DNAJC1: variants seen among roughly 807,000 people sequenced by gnomAD.
DNAJC1 encodes dnaJ homolog subfamily C member 1.
A neutral mutation model predicts 76.6 loss-of-function variants in DNAJC1; 58 were observed. The observed-to-expected ratio is 0.76, with a 90% CI of 0.61 to 0.94. DNAJC1 has a LOEUF of 0.94. Among genes scored for constraint, DNAJC1 ranks in the 40% least tolerant of loss-of-function variants. DNAJC1 has a pLI of 0.00. For synonymous variants in DNAJC1, 258 were observed against 267.9 expected, an observed-to-expected ratio of 0.96 and a Z score of 0.36; for missense variants, 689 against 677.3, an observed-to-expected ratio of 1.02 and a Z score of -0.19.
At chr10:21,908,697 A>G (rs531919831) in intron 6 of DNAJC1, among the ~76,000 whole-genome samples, 28 of 152,136 alleles carry the variant, frequency 1.8e-4, no homozygotes, top group African/African-American at 6.3e-4. Context: ...TTAATGAATA[A>G]TTAAATGCTT....
chr10:21,879,942 T>C (rs1836246725), intron 8 of DNAJC1, among the ~76,000 whole-genome samples: 1 of 152,210 alleles, frequency 6.6e-6, no homozygotes, highest in East Asian at 1.9e-4. Flanking sequence ...AAAATATTTC[T>C]CTGTAGCATG....
intron 9 of DNAJC1, among the ~76,000 whole-genome samples, chr10:21,797,633 G>A (rs1253027467): frequency 6.6e-6 from 1 of 152,210 alleles, no homozygotes; most frequent in African/African-American, 2.4e-5. Flanking sequence ...GGAGGCCTCT[G>A]TCCTCATGAA....
chr10:21,834,220 T>C (rs373497610), intron 8 of DNAJC1, among the ~76,000 whole-genome samples: 9 of 151,716 alleles, frequency 5.9e-5, no homozygotes, highest in East Asian at 3.9e-4. Flanking sequence ...GCTGAGATCG[T>C]GCCACTGCAC....
At chr10:21,898,657 A>G (rs1836590714) in intron 7 of DNAJC1, among the ~76,000 whole-genome samples, 1 of 151,604 alleles carries the variant, frequency 6.6e-6, no homozygotes, top group African/African-American at 2.4e-5. Flanking sequence ...GGTTCAAGCA[A>G]TTCTTGTGCC....
intron 8 of DNAJC1, chr10:21,865,986 T>G (rs1345206065): frequency 6.6e-6 from 1 of 151,602 alleles, no homozygotes; most frequent in Non-Finnish European, 1.5e-5. Context: ...AATACAAAAA[T>G]TAGCTGGGTG....
rs759623924 is a variant in DNAJC1, at chr10:21,851,770, T to TA, written c.978+30511dup. Reference sequence around the variant, plus strand: ...ATGAATGGATAAACAAATTGTAAGATACGGCCGGGCGCAGTGGTTCATGCC... The same window carrying TA: ...ATGAATGGATAAACAAATTGTAAGATAACGGCCGGGCGCAGTGGTTCATGCC... On this transcript the variant is annotated intron_variant, in intron 8 of 11. Transcript: ENST00000376980. Among the ~76,000 whole-genome samples, 4 of 152,184 alleles carry TA rather than the reference T, an allele frequency of 2.6e-5. No individual in the cohort carries two copies. In the East Asian group the frequency reaches 7.7e-4, roughly 29 times the overall value.
chr10:21,795,816 C>T (rs566882416), intron 9 of DNAJC1, among the ~76,000 whole-genome samples: 1 of 152,254 alleles, frequency 6.6e-6, no homozygotes, highest in Non-Finnish European at 1.5e-5. Context: ...TCCTGGCAAC[C>T]ACCATTCTAT....
intron 9 of DNAJC1, among the ~76,000 whole-genome samples, chr10:21,794,454 T>G (rs1174706548): frequency 3.9e-5 from 6 of 152,060 alleles, no homozygotes; most frequent in African/African-American, 7.2e-5. Context: ...ACATTCAAAA[T>G]TGTTAAGATG....
intron 9 of DNAJC1, among the ~76,000 whole-genome samples, chr10:21,796,261 C>T (rs1265266692): frequency 5.3e-5 from 8 of 152,124 alleles, no homozygotes; most frequent in Non-Finnish European, 1.0e-4. Context: ...TGAGCCACCT[C>T]ACCCGGCCAT....
chr10:21,996,734 C>T lies in DNAJC1; in HGVS notation c.222+6479G>A, dbSNP rs534917293. On this transcript the variant is annotated intron_variant, in intron 1 of 11. Coordinates refer to ENST00000376980, the MANE Select transcript of DNAJC1 (RefSeq NM_022365.4). ...TAAAAGAAAGTCTCTGTTCCATCAGCTCTAGATTATATGTGGCAAAATTTT... is the reference window on the plus strand; with the variant it reads ...TAAAAGAAAGTCTCTGTTCCATCAGTTCTAGATTATATGTGGCAAAATTTT... Among the ~76,000 whole-genome samples the T allele has an allele frequency of 2.6e-5, 4 of 152,246 alleles. No individual in the cohort carries two copies. In the East Asian group the frequency reaches 7.7e-4, roughly 29 times the overall value.
chr10:21,891,450 G>A (rs1336425285), intron 7 of DNAJC1, among the ~76,000 whole-genome samples: 1 of 114,282 alleles, frequency 8.8e-6, no homozygotes, highest in Non-Finnish European at 1.8e-5. Context: ...AAAACATAAA[G>A]TGCCCAATCT....
intron 9 of DNAJC1, among the ~76,000 whole-genome samples, chr10:21,786,612 C>A (rs114941003): frequency 0.036 from 5,520 of 151,722 alleles, 154 homozygotes; most frequent in Middle Eastern, 0.075. Flanking sequence ...CAGCCTCCCG[C>A]GTAGCAGGCG....
intron 6 of DNAJC1, among the ~76,000 whole-genome samples, chr10:21,910,829 A>AAGGAAAGGAC (rs55739305): frequency 6.1e-5 from 3 of 48,914 alleles, no homozygotes; most frequent in African/African-American, 1.3e-4. Flanking sequence ...GAAAGAAAGG[A>AAGGAAAGGAC]AGGAGAGGAG....
intron 8 of DNAJC1, among the ~76,000 whole-genome samples, chr10:21,853,422 G>C (rs894717761): frequency 6.6e-6 from 1 of 152,088 alleles, no homozygotes; most frequent in Non-Finnish European, 1.5e-5. Context: ...CCCTGGGAGA[G>C]AGTAAACTGA....
intron 8 of DNAJC1, among the ~76,000 whole-genome samples, chr10:21,868,580 T>G (rs1231972520): frequency 6.6e-6 from 1 of 152,104 alleles, no homozygotes; most frequent in Admixed American, 6.5e-5. Context: ...AGAGGTCACA[T>G]ACTGAATGAT....
At chr10:21,997,359 CT>C (rs1838432878) in intron 1 of DNAJC1, among the ~76,000 whole-genome samples, 1 of 152,184 alleles carries the variant, frequency 6.6e-6, no homozygotes, top group Non-Finnish European at 1.5e-5. Flanking sequence ...GCCAAATGGG[CT>C]TGCTAGCAAT....
chr10:21,893,744 T>A (rs571025934), intron 7 of DNAJC1, among the ~76,000 whole-genome samples: 1 of 151,726 alleles, frequency 6.6e-6, no homozygotes, highest in South Asian at 2.1e-4. Context: ...AAATTAATAA[T>A]CTAAACTTCC....
intron 7 of DNAJC1, among the ~76,000 whole-genome samples, chr10:21,904,057 C>T (rs1461675597): frequency 6.6e-6 from 1 of 152,130 alleles, no homozygotes; most frequent in Non-Finnish European, 1.5e-5. Context: ...TTCTTTTCAA[C>T]ATACTGATAA....
intron 8 of DNAJC1, among the ~76,000 whole-genome samples, chr10:21,839,359 C>T (rs193095162): frequency 1.2e-3 from 180 of 152,064 alleles, no homozygotes; most frequent in African/African-American, 4.2e-3. Context: ...ACTAACAAGA[C>T]TAATTAAGAA....
Sources: gnomAD v4.1 joint callset for allele counts (sites outside exome capture counted in the v4.1 genomes callset) on GRCh38, gnomAD v4.1.1 for gene constraint, MANE v1.5 for transcripts, NCBI Gene and HGNC (gene_info 2026-07-23, HGNC 2026-07-21) for gene names.